Variants in ZNF737 observed in about 807,000 individuals in gnomAD.
ZNF737 encodes zinc finger protein 102 (Y3).
Under a neutral mutation model 11.7 loss-of-function variants are expected in ZNF737, and 13 were observed. The observed-to-expected ratio is 1.11, with a 90% CI of 0.73 to 1.77. The LOEUF is 1.77. Ranked by LOEUF, ZNF737 falls within the 40% of genes most tolerant of loss-of-function variation. ZNF737 has a pLI of 0.00. For synonymous variants in ZNF737, 217 were observed against 216.2 expected, an observed-to-expected ratio of 1.00 and a Z score of -0.03; for missense variants, 636 against 638.0, an observed-to-expected ratio of 1.00 and a Z score of 0.03.
chr19:20,551,447 A>AAG (rs1555758375), intron 3 of ZNF737, among the ~76,000 whole-genome samples: 10 of 131,666 alleles, frequency 7.6e-5, no homozygotes, highest in Admixed American at 1.6e-4. Context: ...AAAAAAAAAA[A>AAG]AAAGAAAGAA....
chr19:20,562,244 G>C (rs1270534802), intron 1 of ZNF737, among the ~76,000 whole-genome samples: 1 of 151,940 alleles, frequency 6.6e-6, no homozygotes, highest in Non-Finnish European at 1.5e-5. Context: ...AGCAATCTCA[G>C]CTCACTGCAA....
intron 1 of ZNF737, among the ~76,000 whole-genome samples, chr19:20,557,560 A>T (rs1310544802): frequency 1.3e-5 from 2 of 151,142 alleles, no homozygotes; most frequent in African/African-American, 4.8e-5. Context: ...TGCCCTGTCA[A>T]CTTTGTACTA....
chr19:20,530,861 G>T (rs1334301893), downstream of ZNF737, among the ~76,000 whole-genome samples: 5 of 148,494 alleles, frequency 3.4e-5, no homozygotes, highest in Middle Eastern at 7.2e-3. Context: ...CTGCACTTTG[G>T]GGGGCCAAGG....
In ZNF737 at chr19:20,544,930, A is replaced by G. The variant is rs1467767228; in HGVS notation, c.1273T>C (p.Phe425Leu). 1.2e-6 allele frequency: 2 copies of G among 1,612,768 alleles called. No individual in the cohort carries two copies. Among genetic ancestry groups the G allele is most frequent in the Non-Finnish European group, 1.7e-6 (2 of 1,179,520 alleles). Residue 425 changes from phenylalanine (F) to leucine (L), a missense_variant, in exon 4 of 4, where the codon TTC (phenylalanine) becomes CTC (leucine). Coordinates refer to ENST00000427401, the MANE Select transcript of ZNF737 (RefSeq NM_001159293.2). The part of the protein sequence containing the change: ...HKIIHTGQQP[F>L]KCEECGKAFK... ...GCCTTGCCACATTCTTCACACTTGA[A>G]GGGTTGCTGTCCAGTATGGATTATC... is the stretch of plus-strand genomic sequence containing the variant.
intron 1 of ZNF737, among the ~76,000 whole-genome samples, chr19:20,557,650 T>A (rs964205617): frequency 6.6e-6 from 1 of 151,100 alleles, no homozygotes; most frequent in Non-Finnish European, 1.5e-5. Context: ...GCAGTCTCCC[T>A]CTGTCACACA....
intron 2 of ZNF737, among the ~76,000 whole-genome samples, chr19:20,553,349 C>G (rs1294948767): frequency 6.6e-6 from 1 of 152,092 alleles, no homozygotes; most frequent in African/African-American, 2.4e-5. Context: ...ACCTCCGCCT[C>G]CTGGGTTCAA....
chr19:20,553,598 A>G, intron 2 of ZNF737, 111 bp downstream of exon 2: 1 of 1,141,978 alleles, frequency 8.8e-7, no homozygotes, highest in Non-Finnish European at 1.2e-6. Context: ...TTCTTGAAAA[A>G]GTGGATCTGA....
rs1178626305 is a variant in ZNF737 at position 20,542,589 on chromosome 19, T to C, written c.*2003A>G. 8.2e-6 allele frequency: 8 copies of C among 973,508 alleles called. No individual in the cohort carries two copies. The highest frequency in any genetic ancestry group is 9.8e-6 in the Non-Finnish European group (8 of 819,302). 60.3% of individuals were successfully genotyped at this position (973,508 alleles called of 1,614,324 possible). On this transcript the variant is annotated 3_prime_UTR_variant, in exon 4 of 4. Transcript: ENST00000427401. ...CATAAAAGTACAAGTAGTAAAGTAA[T>C]ATACTCATTTATTTTAATATACTTT...
At chr19:20,530,633 C>A in the ZNF737 span, among the ~76,000 whole-genome samples, 1 of 144,726 alleles carries the variant, frequency 6.9e-6, no homozygotes, top group Non-Finnish European at 1.5e-5. Flanking sequence ...CCAGACGGGG[C>A]GGCGGGGCAG....
Position 20,540,702 on chromosome 19 carries a change from T to C in ZNF737, c.*3890A>G, listed in dbSNP as rs1968166345. ...TGAACCCAGGAGGTGGAGGTTGCCA[T>C]GAGCTGAGATCACGCCACTGCTCTC... On this transcript the variant is annotated 3_prime_UTR_variant, in exon 4 of 4. Coordinates refer to ENST00000427401, the MANE Select transcript of ZNF737 (RefSeq NM_001159293.2). 1 of 625,738 alleles carries C rather than the reference T, an allele frequency of 1.6e-6. No homozygotes were observed. The highest frequency in any genetic ancestry group is 2.0e-6 in the Non-Finnish European group (1 of 502,420). 38.8% of individuals were successfully genotyped at this position (625,738 alleles called of 1,614,324 possible).
intron 3 of ZNF737, among the ~76,000 whole-genome samples, chr19:20,550,505 G>A (rs1172202173): frequency 3.3e-5 from 5 of 152,098 alleles, no homozygotes; most frequent in African/African-American, 1.2e-4. Context: ...AAATATATAG[G>A]GAGAGTGACA....
chr19:20,565,440 C>A (rs1555763558), intron 1 of ZNF737, among the ~76,000 whole-genome samples, 198 bp downstream of exon 1: 1 of 152,160 alleles, frequency 6.6e-6, no homozygotes, highest in East Asian at 1.9e-4. Context: ...AGGGAAGACA[C>A]AGGACGCCAG....
Position 20,544,008 on chromosome 19 carries a change from A to T in ZNF737, c.*584T>A, listed in dbSNP as rs1276582224. 2.3e-5 allele frequency: 14 copies of T among 619,530 alleles called. No individual in the cohort carries two copies. Among genetic ancestry groups the T allele is most frequent in the Non-Finnish European group, 2.6e-5 (13 of 496,432 alleles). 38.4% of individuals were successfully genotyped at this position (619,530 alleles called of 1,614,324 possible). ...CTGGGCATGTTGGAGGACACCTGTAATCCCAGCTACTCAGGAAGCTGAGGT... is the reference window on the plus strand; with the variant it reads ...CTGGGCATGTTGGAGGACACCTGTATTCCCAGCTACTCAGGAAGCTGAGGT... On this transcript the variant is annotated 3_prime_UTR_variant, in exon 4 of 4. Coordinates refer to ENST00000427401, the MANE Select transcript of ZNF737 (RefSeq NM_001159293.2).
chr19:20,559,982 A>AC (rs782218783), intron 1 of ZNF737, among the ~76,000 whole-genome samples: 10 of 151,332 alleles, frequency 6.6e-5, no homozygotes, highest in African/African-American at 1.2e-4. Flanking sequence ...CTGGCTAACA[A>AC]GGTGAAACCC....
At chr19:20,562,121 G>GCA (rs1191411629) in intron 1 of ZNF737, among the ~76,000 whole-genome samples, 17 of 151,286 alleles carry the variant, frequency 1.1e-4, no homozygotes, top group African/African-American at 1.9e-4. Flanking sequence ...TATCACACAG[G>GCA]CACACACACA....
downstream of ZNF737, among the ~76,000 whole-genome samples, chr19:20,531,762 A>AT (rs1381753421): frequency 2.0e-5 from 3 of 150,110 alleles, no homozygotes; most frequent in African/African-American, 7.4e-5. Flanking sequence ...CCAGCTGGAA[A>AT]TTACTTTTTA....
At chr19:20,558,765 C>G (rs969025910) in intron 1 of ZNF737, among the ~76,000 whole-genome samples, 2 of 152,176 alleles carry the variant, frequency 1.3e-5, no homozygotes, top group African/African-American at 4.8e-5. Flanking sequence ...CTCAAAGACA[C>G]CCAGGTGATT....
downstream of ZNF737, among the ~76,000 whole-genome samples, chr19:20,535,434 A>C (rs1967933876): frequency 6.6e-6 from 1 of 152,226 alleles, no homozygotes; most frequent in Admixed American, 6.5e-5. Context: ...GCCCTTAAAA[A>C]TAAGAAAGTC....
intron 1 of ZNF737, among the ~76,000 whole-genome samples, chr19:20,557,230 C>T (rs1968921057): frequency 6.6e-6 from 1 of 152,046 alleles, no homozygotes; most frequent in Admixed American, 6.6e-5. Flanking sequence ...CTTTATTTAT[C>T]CCATTTATCT....
Sources: gnomAD v4.1 joint callset for allele counts (sites outside exome capture counted in the v4.1 genomes callset) on GRCh38, gnomAD v4.1.1 for gene constraint, MANE v1.5 for transcripts, NCBI Gene and HGNC (gene_info 2026-07-23, HGNC 2026-07-21) for gene names.